The following DLGAP2 variants were observed in gnomAD, a reference collection of about 807,000 sequenced individuals.
The protein encoded by DLGAP2 is DLG associated protein 2, also known as disks large-associated protein 2.
DLGAP2 carries 26 observed loss-of-function variants against 100.3 expected under a neutral mutation model. The observed-to-expected ratio is 0.26, with a 90% CI of 0.19 to 0.36. The LOEUF is 0.36. Ranked by LOEUF, DLGAP2 falls within the 10% of genes least tolerant of loss-of-function variation. DLGAP2 has a pLI of 1.00. For missense variants in DLGAP2, 1,858 were observed against 1,453.2 expected, an observed-to-expected ratio of 1.28 and a Z score of -4.53; for synonymous variants, 886 against 630.1, an observed-to-expected ratio of 1.41 and a Z score of -6.08.
intron 1 of DLGAP2, among the ~76,000 whole-genome samples, chr8:807,971 C>T (rs987860875): frequency 1.3e-5 from 2 of 152,172 alleles, no homozygotes; most frequent in African/African-American, 2.4e-5. Context: ...AGGCCACTTT[C>T]TAAGCAAGTC....
intron 2 of DLGAP2, among the ~76,000 whole-genome samples, chr8:977,165 C>A (rs924695): frequency 0.35 from 52,564 of 152,120 alleles, 11,182 homozygotes; most frequent in Admixed American, 0.52. Flanking sequence ...TCTTGCCTCC[C>A]CTCCTGAAAT....
At chr8:1,189,918 G>A (rs1395304190) in intron 2 of DLGAP2, among the ~76,000 whole-genome samples, 3 of 152,296 alleles carry the variant, frequency 2.0e-5, no homozygotes, top group Non-Finnish European at 4.4e-5. Context: ...TGGGTGCCAG[G>A]AAAGGAGGTG....
chr8:1,209,661 T>A (rs1028131802), intron 2 of DLGAP2, among the ~76,000 whole-genome samples: 9 of 152,226 alleles, frequency 5.9e-5, no homozygotes, highest in Non-Finnish European at 1.3e-4. Flanking sequence ...TAACCTCCTA[T>A]TCCAAGCACT....
At chr8:1,088,749 A>G (rs1179634541) in intron 2 of DLGAP2, among the ~76,000 whole-genome samples, 5 of 81,594 alleles carry the variant, frequency 6.1e-5, no homozygotes, top group Middle Eastern at 9.1e-3. Context: ...TCCCCACCCT[A>G]CTCTCTCCAC....
chr8:1,005,404 TG>T (rs1177767898), intron 2 of DLGAP2, among the ~76,000 whole-genome samples: 79 of 111,694 alleles, frequency 7.1e-4, no homozygotes, highest in African/African-American at 2.5e-3. Flanking sequence ...CAACTCCACT[TG>T]TTTTTTTTTT....
At chr8:1,037,162 C>T (rs372081136) in intron 2 of DLGAP2, among the ~76,000 whole-genome samples, 7 of 152,148 alleles carry the variant, frequency 4.6e-5, no homozygotes, top group Non-Finnish European at 1.0e-4. Context: ...TCCTTCCTGC[C>T]GCCTGCACCC....
At chr8:986,546 TACTG>T (rs961638625) in intron 2 of DLGAP2, among the ~76,000 whole-genome samples, 3 of 152,044 alleles carry the variant, frequency 2.0e-5, no homozygotes, top group Admixed American at 6.6e-5. Flanking sequence ...TTCTTCCAAT[TACTG>T]AGAGAGAGAA....
chr8:1,175,643 C>A (rs76246830), intron 2 of DLGAP2, among the ~76,000 whole-genome samples: 8,134 of 152,248 alleles, frequency 0.053, 272 homozygotes, highest in African/African-American at 0.084. Context: ...GGAATAAATA[C>A]ATCCCTTGTG....
At chr8:1,487,557 T>C (rs2130268494) in intron 3 of DLGAP2, among the ~76,000 whole-genome samples, 2 of 152,372 alleles carry the variant, frequency 1.3e-5, no homozygotes, top group East Asian at 1.9e-4. Flanking sequence ...AAGTGAAGGA[T>C]GTGCTTTGTA....
At chr8:1,349,088 T>TG (rs1801640873) in intron 3 of DLGAP2, among the ~76,000 whole-genome samples, 1 of 151,782 alleles carries the variant, frequency 6.6e-6, no homozygotes, top group African/African-American at 2.4e-5. Context: ...AGCAGTGTGC[T>TG]GCTCAGAGAG....
chr8:1,197,926 C>T (rs1797788023), intron 2 of DLGAP2, among the ~76,000 whole-genome samples: 1 of 152,156 alleles, frequency 6.6e-6, no homozygotes, highest in African/African-American at 2.4e-5. Context: ...GTGCATCCTC[C>T]CAGAACTGGC....
chr8:1,047,862 C>T (rs2701931), intron 2 of DLGAP2, among the ~76,000 whole-genome samples: 12 of 152,008 alleles, frequency 7.9e-5, no homozygotes, highest in South Asian at 2.1e-4. Flanking sequence ...TTCAATCTAT[C>T]GCAGCATCCT....
chr8:1,653,438 G>T (rs987058882), intron 8 of DLGAP2, among the ~76,000 whole-genome samples: 6 of 152,212 alleles, frequency 3.9e-5, no homozygotes, highest in African/African-American at 1.4e-4. Flanking sequence ...TGCTCTCAAG[G>T]CTGCCGGCTT....
At chr8:1,116,023 C>A (rs897467026) in intron 2 of DLGAP2, among the ~76,000 whole-genome samples, 8 of 152,202 alleles carry the variant, frequency 5.3e-5, no homozygotes, top group African/African-American at 1.9e-4. Context: ...CCATTCACTC[C>A]GTCAGACGTG....
intron 3 of DLGAP2, among the ~76,000 whole-genome samples, chr8:1,284,774 G>A (rs183969140): frequency 6.6e-5 from 10 of 152,294 alleles, no homozygotes; most frequent in African/African-American, 2.2e-4. Flanking sequence ...ACCACGCCCA[G>A]CTAATTTGCG....
At chr8:1,443,851 A>G (rs1245971172) in intron 3 of DLGAP2, among the ~76,000 whole-genome samples, 2 of 152,186 alleles carry the variant, frequency 1.3e-5, no homozygotes, top group Admixed American at 6.5e-5. Context: ...CAGCCAAACC[A>G]TGTCTCATGG....
At chr8:995,604 C>A (rs745617494) in intron 2 of DLGAP2, among the ~76,000 whole-genome samples, 1 of 152,158 alleles carries the variant, frequency 6.6e-6, no homozygotes, top group African/African-American at 2.4e-5. Context: ...GAAGAATCTC[C>A]CCTGTCCCCC....
chr8:1,350,671 G>A (rs1726366336), intron 3 of DLGAP2, among the ~76,000 whole-genome samples: 1 of 110,596 alleles, frequency 9.0e-6, no homozygotes, highest in Non-Finnish European at 1.9e-5. Context: ...GGCCGTGCGG[G>A]TCCTGAGTGT....
intron 3 of DLGAP2, among the ~76,000 whole-genome samples, chr8:1,342,759 G>A (rs560849503): frequency 6.6e-6 from 1 of 152,148 alleles, no homozygotes; most frequent in African/African-American, 2.4e-5. Flanking sequence ...TGTGAAATGC[G>A]GTGTGTGTGT....
Sources: gnomAD v4.1 joint callset for allele counts (sites outside exome capture counted in the v4.1 genomes callset) on GRCh38, gnomAD v4.1.1 for gene constraint, MANE v1.5 for transcripts, NCBI Gene and HGNC (gene_info 2026-07-23, HGNC 2026-07-21) for gene names.